SEC22B: variants seen among roughly 807,000 people sequenced by gnomAD.
The protein encoded by SEC22B is SEC22 homolog B, vesicle trafficking protein.
In SEC22B, 10 loss-of-function variants were observed where a neutral mutation model predicts 31.4. The observed-to-expected ratio is 0.32, with a 90% CI of 0.20 to 0.54. The LOEUF (loss-of-function observed/expected upper bound fraction) is 0.54, where lower values mean the gene tolerates loss of function less well. Ranked by LOEUF, SEC22B falls within the 20% of genes least tolerant of loss-of-function variation. The probability of loss-of-function intolerance (pLI) is 0.94; values close to 1 mark genes in which losing one functional copy is unlikely to be tolerated. For synonymous variants in SEC22B, 60 were observed against 95.9 expected (o/e 0.63, Z 2.19); for missense variants, 130 against 263.4 (o/e 0.49, Z 3.50).
intron 2 of SEC22B, among the ~76,000 whole-genome samples, chr1:120,165,362 G>C (rs1367009331): frequency 1.3e-5 from 2 of 152,102 alleles, no homozygotes; most frequent in Non-Finnish European, 2.9e-5. Flanking sequence ...CAATGGAACT[G>C]ACTTTCTTTT....
chr1:120,170,781 G>A (rs1657883463), intron 1 of SEC22B, among the ~76,000 whole-genome samples: 1 of 148,478 alleles, frequency 6.7e-6, no homozygotes, highest in African/African-American at 2.6e-5. Context: ...TGGCCAGCCA[G>A]TAAGAGTGAA....
rs1168798157 is a variant in SEC22B at position 120,152,024 on chromosome 1, T to C, written c.*5014A>G. On this transcript the variant is annotated 3_prime_UTR_variant, in exon 5 of 5. Transcript: ENST00000578049. ...CAATGGAGTGGAGGTATGCTTTAGA[T>C]GCAATTATTTATGGGATATTCAAAA... 3.3e-5 allele frequency: 5 copies of C among 152,306 alleles called. No homozygotes were observed. Among genetic ancestry groups the C allele is most frequent in the South Asian group, 2.1e-4 (1 of 4,826 alleles). 9.4% of individuals were successfully genotyped at this position (152,306 alleles called of 1,614,324 possible). A position where few individuals can be genotyped will look rare whatever the true frequency, so the allele number is the denominator to read the frequency against.
At chr1:120,173,178 A>C (rs1413667806) in intron 1 of SEC22B, among the ~76,000 whole-genome samples, 1 of 73,548 alleles carries the variant, frequency 1.4e-5, no homozygotes, top group Admixed American at 1.4e-4. Flanking sequence ...GAGACAATTT[A>C]ACTGTATAAC....
rs1408750577 is a variant in SEC22B at position 120,163,351 on chromosome 1, C to A, written c.205G>T (p.Val69Leu). Residue 69 changes from valine (V) to leucine (L), a missense_variant, in exon 3 of 5, where the codon GTG becomes TTG. By Grantham distance (32) the Val-to-Leu change is conservative. Transcript: ENST00000578049. ...GCTTCACATAAAACCAAATAACACA[C>A]CCCCTGCTCAATAATGTAGCTGGTG... ...MTFHYIIEQG[V>L]CYLVLCEAAF... 4 of 1,600,856 alleles carry A rather than the reference C, an allele frequency of 2.5e-6. No homozygotes were observed. The highest frequency in any genetic ancestry group is 2.7e-5 in the African/African-American group (2 of 72,736).
Position 120,150,968 on chromosome 1 carries a change from C to T in SEC22B, c.*6070G>A, listed in dbSNP as rs1263759360. 1 of 152,146 alleles carries T rather than the reference C, an allele frequency of 6.6e-6. No homozygotes were observed. The highest frequency in any genetic ancestry group is 1.5e-5 in the Non-Finnish European group (1 of 68,026). 9.4% of individuals were successfully genotyped at this position (152,146 alleles called of 1,614,324 possible). ...ACAACTCACTCTCTTGGGAACTAAC[C>T]ATTCCCAGGAGAACCCAGTCTCAGT... On this transcript the variant is annotated 3_prime_UTR_variant, in exon 5 of 5. Transcript: ENST00000578049.
intron 1 of SEC22B, among the ~76,000 whole-genome samples, chr1:120,170,643 G>C (rs1282184913): frequency 1.3e-5 from 2 of 149,568 alleles, no homozygotes; most frequent in Non-Finnish European, 3.0e-5. Context: ...ACATATATTT[G>C]TTATATATTT....
In SEC22B at chr1:120,163,345, A is replaced by C. The variant is rs2101128760; in HGVS notation, c.211T>G (p.Tyr71Asp). ...AAGGCAGCTTCACATAAAACCAAAT[A>C]ACACACCCCCTGCTCAATAATGTAG... Reference protein sequence around the residue: ...FHYIIEQGVCYLVLCEAAFPK... With the variant: ...FHYIIEQGVCDLVLCEAAFPK... The change falls in exon 3 of 5, where the codon TAT becomes GAT. Residue 71 changes from tyrosine to aspartate, a missense_variant. Transcript: ENST00000578049. 1 of 1,606,160 alleles carries C rather than the reference A, an allele frequency of 6.2e-7. No homozygotes were observed. The highest frequency in any genetic ancestry group is 2.2e-5 in the East Asian group (1 of 44,610).
At chr1:120,176,099 C>G (rs1303801398) in intron 1 of SEC22B, among the ~76,000 whole-genome samples, 2 of 152,164 alleles carry the variant, frequency 1.3e-5, no homozygotes, top group Non-Finnish European at 2.9e-5. Flanking sequence ...AGAGAAACAG[C>G]TAACACAAAA....
intron 2 of SEC22B, among the ~76,000 whole-genome samples, chr1:120,163,686 C>T (rs1342884245): frequency 6.6e-6 from 1 of 151,766 alleles, no homozygotes; most frequent in African/African-American, 2.4e-5. Flanking sequence ...AGCCATTCTC[C>T]TGCCTCAGCC....
At chr1:120,173,204 TTTCTTGGA>T (rs1188121726) in intron 1 of SEC22B, among the ~76,000 whole-genome samples, 1 of 68,948 alleles carries the variant, frequency 1.5e-5, no homozygotes, top group African/African-American at 7.9e-5. Flanking sequence ...ATCTATCTGC[TTTCTTGGA>T]GCTTCCTGCT....
chr1:120,153,183 T>C lies in SEC22B; in HGVS notation c.*3855A>G, dbSNP rs1178924915. 3 of 151,344 alleles carry C rather than the reference T, an allele frequency of 2.0e-5. No individual in the cohort carries two copies. The highest frequency in any genetic ancestry group is 4.9e-5 in the African/African-American group (2 of 40,798). The allele number at this position is 151,344 out of a possible 1,614,324, so 9.4% of individuals were successfully genotyped here. A position where few individuals can be genotyped will look rare whatever the true frequency, so the allele number is the denominator to read the frequency against. On this transcript the variant is annotated 3_prime_UTR_variant, in exon 5 of 5. Coordinates refer to ENST00000578049, the MANE Select transcript of SEC22B (RefSeq NM_004892.6). ...TGTGAGATTCAATATGCTCATTCTATCTCAAACTCTGTCACACATACAATG... is the reference window on the plus strand; with the variant it reads ...TGTGAGATTCAATATGCTCATTCTACCTCAAACTCTGTCACACATACAATG...
At position 120,170,898 on chromosome 1, in the gene SEC22B, A is replaced by T. The variant is rs1657885647; in HGVS notation, c.76-1949T>A. ...TTGTTTCCCCAGTGCCATTCTGAAG[A>T]GATCTGAACCCACAAGAGTAGATAA... is the stretch of plus-strand genomic sequence containing the variant. On this transcript the variant is annotated intron_variant, in intron 1 of 4. Coordinates refer to ENST00000578049, the MANE Select transcript of SEC22B (RefSeq NM_004892.6). 1.5e-5 allele frequency among the ~76,000 whole-genome samples: 2 copies of T among 135,392 alleles called. 1 individual carries two copies. Among genetic ancestry groups the T allele is most frequent in the Non-Finnish European group, 3.0e-5 (2 of 66,994 alleles). 88.8% of individuals were successfully genotyped at this position (135,392 alleles called of 152,430 possible). A position where few individuals can be genotyped will look rare whatever the true frequency, so the allele number is the denominator to read the frequency against.
Position 120,155,161 on chromosome 1 carries a change from A to G in SEC22B, c.*1877T>C, listed in dbSNP as rs1657609407. The G allele has an allele frequency of 6.6e-6, 1 of 152,128 alleles. No individual in the cohort carries two copies. The highest frequency in any genetic ancestry group is 1.5e-5 in the Non-Finnish European group (1 of 67,962). 9.4% of individuals were successfully genotyped at this position (152,128 alleles called of 1,614,324 possible). A position where few individuals can be genotyped will look rare whatever the true frequency, so the allele number is the denominator to read the frequency against. ...AGATAGAAATGTATCTACAAAGGATATATGTATATAAATTAACTAGATAAC... is the reference window on the plus strand; with the variant it reads ...AGATAGAAATGTATCTACAAAGGATGTATGTATATAAATTAACTAGATAAC... On this transcript the variant is annotated 3_prime_UTR_variant, in exon 5 of 5. Transcript: ENST00000578049.
chr1:120,157,305 C>T, intron 4 of SEC22B, 113 bp from the exon 5 acceptor site: 2 of 754,386 alleles, frequency 2.7e-6, no homozygotes, highest in Non-Finnish European at 3.8e-6. Flanking sequence ...CTTAAATCAT[C>T]ATTTTTATTT....
Position 120,151,265 on chromosome 1 carries a change from C to G in SEC22B, c.*5773G>C, listed in dbSNP as rs1386752142. On this transcript the variant is annotated 3_prime_UTR_variant, in exon 5 of 5. Coordinates refer to ENST00000578049, the MANE Select transcript of SEC22B (RefSeq NM_004892.6). ...ATTATTTTGTGTGGCTAAGACAAAACAAAGCTGGTGGGGAGTGGCAGGAGG... is the reference window on the plus strand; with the variant it reads ...ATTATTTTGTGTGGCTAAGACAAAAGAAAGCTGGTGGGGAGTGGCAGGAGG... 6.6e-6 allele frequency: 1 copy of G among 152,078 alleles called. No individual in the cohort carries two copies. 9.4% of individuals were successfully genotyped at this position (152,078 alleles called of 1,614,324 possible).
chr1:120,175,607 T>C (rs1395321171), intron 1 of SEC22B, among the ~76,000 whole-genome samples: 1 of 152,230 alleles, frequency 6.6e-6, no homozygotes, highest in Non-Finnish European at 1.5e-5. Context: ...GTTAGTGCTG[T>C]TTTTAATCAA....
chr1:120,168,176 T>G (rs1657842109), intron 2 of SEC22B, among the ~76,000 whole-genome samples: 1 of 152,054 alleles, frequency 6.6e-6, no homozygotes, highest in Admixed American at 6.6e-5. Context: ...CTGATGCTCT[T>G]GTACTCTTTT....
chr1:120,163,571 C>CTTTTTTTTTTTGTTTTTGT (rs1213284888), intron 2 of SEC22B, among the ~76,000 whole-genome samples: 39 of 100,716 alleles, frequency 3.9e-4, no homozygotes, highest in South Asian at 1.3e-3. Context: ...GATGTATATT[C>CTTTTTTTTTTTGTTTTTGT]TTTTTTTTTT....
intron 4 of SEC22B, chr1:120,159,094 T>G (rs1449122009): frequency 6.6e-6 from 1 of 152,198 alleles, no homozygotes; most frequent in Non-Finnish European, 1.5e-5. Context: ...AATATACATA[T>G]ACTTTTAACC....
Sources: gnomAD v4.1 joint callset for allele counts (sites outside exome capture counted in the v4.1 genomes callset) on GRCh38, gnomAD v4.1.1 for gene constraint, MANE v1.5 for transcripts, NCBI Gene and HGNC (gene_info 2026-07-23, HGNC 2026-07-21) for gene names.